Variants in NLGN1 observed in about 807,000 individuals in gnomAD.
NLGN1 encodes the protein neuroligin 1.
A neutral mutation model predicts 65.5 loss-of-function variants in NLGN1; 12 were observed. The ratio of observed to expected loss-of-function variants is 0.18; its 90% CI spans 0.12 to 0.30. The LOEUF (loss-of-function observed/expected upper bound fraction) is 0.30. Ranked by LOEUF, NLGN1 falls within the 10% of genes least tolerant of loss-of-function variation. The probability of loss-of-function intolerance (pLI) is 1.00; values close to 1 mark genes in which losing one functional copy is unlikely to be tolerated. For missense variants in NLGN1, 750 were observed against 1,007.1 expected (o/e 0.74, Z 3.46); for synonymous variants, 350 against 359.5 (o/e 0.97, Z 0.30).
At chr3:174,057,330 T>C (rs548459427) in intron 4 of NLGN1, among the ~76,000 whole-genome samples, 1 of 152,020 alleles carries the variant, frequency 6.6e-6, no homozygotes, top group Non-Finnish European at 1.5e-5. Flanking sequence ...ACTGGGAAAA[T>C]AAACCAGCAC....
At chr3:174,264,347 CA>C (rs1314110451) in intron 4 of NLGN1, among the ~76,000 whole-genome samples, 1 of 146,352 alleles carries the variant, frequency 6.8e-6, no homozygotes, top group Non-Finnish European at 1.5e-5. Flanking sequence ...GGTCTTTTCA[CA>C]TAGTCCCATA....
chr3:173,522,273 A>G (rs115616746), intron 2 of NLGN1, among the ~76,000 whole-genome samples: 3,649 of 152,306 alleles, frequency 0.024, 56 homozygotes, highest in Middle Eastern at 0.048. Flanking sequence ...TGTCACTGCA[A>G]ATGACACTGT....
chr3:173,411,821 C>T (rs1485265285), intron 1 of NLGN1, among the ~76,000 whole-genome samples: 2 of 151,892 alleles, frequency 1.3e-5, no homozygotes, highest in East Asian at 3.9e-4. Flanking sequence ...TCTGTGGTTG[C>T]GAATAGAAAA....
At chr3:173,402,821 CT>C (rs748291950) in intron 1 of NLGN1, among the ~76,000 whole-genome samples, 21 of 152,298 alleles carry the variant, frequency 1.4e-4, no homozygotes, top group Non-Finnish European at 1.5e-4. Flanking sequence ...TCACTCTTAA[CT>C]TACAACTGTC....
chr3:173,704,839 T>C (rs1428179519), intron 3 of NLGN1, among the ~76,000 whole-genome samples: 1 of 152,204 alleles, frequency 6.6e-6, no homozygotes, highest in Non-Finnish European at 1.5e-5. Context: ...CAGTAAATCC[T>C]ATTTGTCTAC....
intron 2 of NLGN1, among the ~76,000 whole-genome samples, chr3:173,559,863 AT>A (rs1312811914): frequency 2.0e-5 from 3 of 152,140 alleles, no homozygotes; most frequent in African/African-American, 7.2e-5. Context: ...CATGAAGAGA[AT>A]ACTTCTAATT....
chr3:173,447,913 A>G (rs372878302), intron 2 of NLGN1, among the ~76,000 whole-genome samples: 127 of 152,146 alleles, frequency 8.3e-4, no homozygotes, highest in Non-Finnish European at 1.4e-3. Flanking sequence ...CATTGATTTT[A>G]TATCCTGAGA....
intron 4 of NLGN1, among the ~76,000 whole-genome samples, chr3:174,029,641 G>A (rs1729533641): frequency 1.3e-5 from 2 of 151,964 alleles, no homozygotes; most frequent in African/African-American, 4.8e-5. Flanking sequence ...AGCAGTCAGG[G>A]GTGGAATGAT....
intron 2 of NLGN1, among the ~76,000 whole-genome samples, chr3:173,534,904 TAATA>T (rs761906745): frequency 9.6e-4 from 146 of 152,330 alleles, no homozygotes; most frequent in Non-Finnish European, 1.6e-3. Flanking sequence ...TTTAATTGAT[TAATA>T]AATAAATTCA....
intron 4 of NLGN1, among the ~76,000 whole-genome samples, chr3:174,264,400 C>A (rs1409434460): frequency 1.4e-5 from 2 of 145,206 alleles, no homozygotes; most frequent in South Asian, 4.5e-4. Context: ...TCTTTTTTCT[C>A]TAAACTTCCC....
intron 3 of NLGN1, among the ~76,000 whole-genome samples, chr3:173,777,323 T>C (rs950348756): frequency 1.3e-5 from 2 of 151,948 alleles, no homozygotes; most frequent in East Asian, 3.8e-4. Context: ...TCATTGTGAA[T>C]AAGTAGTAGG....
At chr3:174,089,896 T>G (rs1005504447) in intron 4 of NLGN1, among the ~76,000 whole-genome samples, 20 of 59,108 alleles carry the variant, frequency 3.4e-4, no homozygotes, top group African/African-American at 1.7e-3. Context: ...ATAAACAGGC[T>G]TTTTTTTTTT....
intron 4 of NLGN1, among the ~76,000 whole-genome samples, chr3:173,969,519 AAATT>A (rs1715702378): frequency 6.6e-6 from 1 of 152,148 alleles, no homozygotes; most frequent in African/African-American, 2.4e-5. Flanking sequence ...TTTAGATACT[AAATT>A]AATACATTGA....
rs545545220 is a variant in NLGN1 at position 173,948,607 on chromosome 3, G to T, written c.646+140775G>T. Among the ~76,000 whole-genome samples the T allele has an allele frequency of 7.8e-4, 119 of 152,268 alleles. 1 individual carries two copies. Among genetic ancestry groups the T allele is most frequent in the Non-Finnish European group, 1.6e-3 (107 of 68,016 alleles). On this transcript the variant is annotated intron_variant, in intron 4 of 6. Transcript: ENST00000457714. ...GAGAGGCAACAGAGTCTAGGACAAA[G>T]GAAGAGGACACATTCCATAGACAGG...
intron 4 of NLGN1, among the ~76,000 whole-genome samples, chr3:173,976,559 C>T (rs1717515554): frequency 6.6e-6 from 1 of 152,036 alleles, no homozygotes; most frequent in African/African-American, 2.4e-5. Flanking sequence ...CAGCATTTTT[C>T]CCCTAAGTGT....
intron 4 of NLGN1, among the ~76,000 whole-genome samples, chr3:174,225,613 C>T (rs1328114971): frequency 1.3e-5 from 2 of 152,112 alleles, no homozygotes; most frequent in Non-Finnish European, 2.9e-5. Flanking sequence ...CGCCTGTAGT[C>T]CCAGCTACTC....
chr3:173,550,569 T>C (rs562016818), intron 2 of NLGN1, among the ~76,000 whole-genome samples: 1 of 152,242 alleles, frequency 6.6e-6, no homozygotes, highest in South Asian at 2.1e-4. Flanking sequence ...CTAAGACTGC[T>C]GAAAAAAATA....
At chr3:173,987,472 A>G (rs569864021) in intron 4 of NLGN1, among the ~76,000 whole-genome samples, 1 of 152,288 alleles carries the variant, frequency 6.6e-6, no homozygotes, top group African/African-American at 2.4e-5. Flanking sequence ...CACTAATCTC[A>G]ATATAAGAGG....
chr3:174,082,552 T>G (rs1742446645), intron 4 of NLGN1, among the ~76,000 whole-genome samples: 1 of 151,718 alleles, frequency 6.6e-6, no homozygotes, highest in South Asian at 2.1e-4. Flanking sequence ...GATATAATAG[T>G]AAATAGAATA....
Sources: gnomAD v4.1 joint callset for allele counts (sites outside exome capture counted in the v4.1 genomes callset) on GRCh38, gnomAD v4.1.1 for gene constraint, MANE v1.5 for transcripts, NCBI Gene and HGNC (gene_info 2026-07-23, HGNC 2026-07-21) for gene names.